Variants in CEP63 observed in about 807,000 individuals in gnomAD.
The protein encoded by CEP63 is centrosomal protein 63.
In CEP63, 84 loss-of-function variants were observed where a neutral mutation model predicts 89.1. The ratio of observed to expected loss-of-function variants is 0.94; its 90% CI spans 0.79 to 1.13. CEP63 has a LOEUF of 1.13. Ranked by LOEUF, CEP63 falls within the 50% of genes most tolerant of loss-of-function variation. The pLI, the probability that CEP63 is intolerant of heterozygous loss-of-function variation, is 0.00. For missense variants in CEP63, 838 were observed against 813.3 expected (o/e 1.03, Z -0.37); for synonymous variants, 267 against 272.5 (o/e 0.98, Z 0.20).
chr3:134,492,572 CTTT>C (rs77074365), intron 1 of CEP63, among the ~76,000 whole-genome samples: 4 of 139,204 alleles, frequency 2.9e-5, no homozygotes, highest in Non-Finnish European at 4.7e-5. Flanking sequence ...CACTTCCCTC[CTTT>C]TTTTTTTTTT....
At chr3:134,651,392 C>A in the CEP63 span, 5 of 1,093,032 alleles carry the variant, frequency 4.6e-6, no homozygotes, top group Non-Finnish European at 5.6e-6. Flanking sequence ...CTGGAGCCGA[C>A]CTCCCACGAG....
chr3:134,628,529 A>G, the CEP63 span, among the ~76,000 whole-genome samples: 1 of 152,198 alleles, frequency 6.6e-6, no homozygotes, highest in Non-Finnish European at 1.5e-5. Flanking sequence ...GAAGATTGCA[A>G]CCACACATGG....
rs1943674568 is a variant in CEP63 at position 134,507,172 on chromosome 3, G to A, written c.108G>A (p.Val36=). The part of the protein sequence containing the change: ...QELMKQIDIM[V]AHKKSEWEGR... ...TCATGAAACAGATTGACATAATGGTGGCTCATAAAAAATCTGAATGGGAAG... is the reference window on the plus strand; with the variant it reads ...TCATGAAACAGATTGACATAATGGTAGCTCATAAAAAATCTGAATGGGAAG... Residue 36 remains valine (V), a synonymous_variant, in exon 3 of 15, where the codon GTG becomes GTA. Coordinates refer to ENST00000675561, the MANE Select transcript of CEP63 (RefSeq NM_001353108.3). The A allele has an allele frequency of 1.9e-6, 3 of 1,613,030 alleles. No individual in the cohort carries two copies. The highest frequency in any genetic ancestry group is 2.7e-5 in the African/African-American group (2 of 74,714).
chr3:134,540,415 A>G (rs1264855629), intron 6 of CEP63, among the ~76,000 whole-genome samples: 1 of 152,068 alleles, frequency 6.6e-6, no homozygotes, highest in African/African-American at 2.4e-5. Flanking sequence ...AGGAGTATTT[A>G]TTTTCTTAGG....
chr3:134,559,053 ATTAG>A (rs1166258366), intron 13 of CEP63, 93 bp from the exon 14 acceptor site: 2 of 1,259,296 alleles, frequency 1.6e-6, no homozygotes, highest in East Asian at 2.3e-5. Flanking sequence ...TTGTAGCCTT[ATTAG>A]TTAGGCTATT....
chr3:134,619,870 T>C, the CEP63 span: 1 of 152,920 alleles, frequency 6.5e-6, no homozygotes, highest in Admixed American at 6.5e-5. Context: ...CCCTGCCCCT[T>C]TAAGGCACAG....
At chr3:134,724,898 C>T in the CEP63 span, among the ~76,000 whole-genome samples, 1 of 152,130 alleles carries the variant, frequency 6.6e-6, no homozygotes, top group South Asian at 2.1e-4. Context: ...TCCCTAAATG[C>T]ACATGATGTT....
At chr3:134,547,724 C>A (rs1022276469) in intron 9 of CEP63, among the ~76,000 whole-genome samples, 1 of 150,694 alleles carries the variant, frequency 6.6e-6, no homozygotes, top group Non-Finnish European at 1.5e-5. Context: ...ATTCTTCTGC[C>A]CCAGCCTCCT....
chr3:134,516,126 T>G (rs542001401), intron 3 of CEP63, among the ~76,000 whole-genome samples: 3 of 152,126 alleles, frequency 2.0e-5, no homozygotes, highest in Non-Finnish European at 4.4e-5. Flanking sequence ...CTTGGGTGTT[T>G]CTCGGAGAGG....
At chr3:134,707,900 G>A in the CEP63 span, among the ~76,000 whole-genome samples, 1 of 152,078 alleles carries the variant, frequency 6.6e-6, no homozygotes, top group East Asian at 1.9e-4. Context: ...GGAAAGGGCT[G>A]TCCCCAAAAG....
chr3:134,515,474 C>T (rs988312152), intron 3 of CEP63, among the ~76,000 whole-genome samples: 2 of 152,090 alleles, frequency 1.3e-5, no homozygotes, highest in East Asian at 3.9e-4. Context: ...ATATAACATG[C>T]AAACAGTTTG....
At chr3:134,673,037 A>C in the CEP63 span, among the ~76,000 whole-genome samples, 3 of 152,144 alleles carry the variant, frequency 2.0e-5, no homozygotes, top group African/African-American at 7.2e-5. Context: ...CACCCTTCAT[A>C]GTACTTCCAC....
the CEP63 span, among the ~76,000 whole-genome samples, chr3:134,709,630 A>T: frequency 6.6e-6 from 1 of 152,204 alleles, no homozygotes; most frequent in East Asian, 1.9e-4. Context: ...CAATTCTTAC[A>T]TGAATAAATG....
intron 9 of CEP63, 44 bp downstream of exon 9, chr3:134,547,516 A>G (rs774393412): frequency 9.0e-6 from 14 of 1,562,172 alleles, no homozygotes; most frequent in Non-Finnish European, 1.1e-5. Context: ...AGTTGTTAAA[A>G]TGAATTTTTG....
At chr3:134,695,306 C>A in the CEP63 span, among the ~76,000 whole-genome samples, 1 of 152,204 alleles carries the variant, frequency 6.6e-6, no homozygotes, top group Non-Finnish European at 1.5e-5. Context: ...ACCAAATGTT[C>A]CCCACAGAAG....
chr3:134,739,802 C>T, the CEP63 span, among the ~76,000 whole-genome samples: 1 of 151,254 alleles, frequency 6.6e-6, no homozygotes, highest in Non-Finnish European at 1.5e-5. Flanking sequence ...GAAGCAGACA[C>T]TCAGGAAGTC....
the CEP63 span, among the ~76,000 whole-genome samples, chr3:134,617,401 G>T: frequency 1.3e-5 from 2 of 152,190 alleles, no homozygotes; most frequent in African/African-American, 4.8e-5. Flanking sequence ...GGCCTACTGG[G>T]TGTAGGATTC....
chr3:134,762,702 C>G, the CEP63 span, among the ~76,000 whole-genome samples: 7 of 152,186 alleles, frequency 4.6e-5, no homozygotes, highest in Non-Finnish European at 8.8e-5. Flanking sequence ...AAACCAGCCC[C>G]ACTAACACCT....
intron 10 of CEP63, among the ~76,000 whole-genome samples, chr3:134,586,484 T>G (rs1485484115): frequency 5.3e-5 from 8 of 152,214 alleles, no homozygotes; most frequent in African/African-American, 1.9e-4. Flanking sequence ...AATTCTGGGT[T>G]GGAAATTGTT....
Sources: allele counts gnomAD v4.1 joint callset (sites outside exome capture counted in the v4.1 genomes callset), GRCh38; gene constraint gnomAD v4.1.1; transcripts MANE v1.5; gene names NCBI Gene and HGNC (gene_info 2026-07-23, HGNC 2026-07-21).